NDST3: variants seen among roughly 807,000 people sequenced by gnomAD.
NDST3 encodes bifunctional heparan sulfate N-deacetylase/N-sulfotransferase 3.
NDST3 carries 58 observed loss-of-function variants against 96.1 expected under a neutral mutation model. That is an observed-to-expected ratio of 0.60 (90% CI 0.49 to 0.75). The LOEUF (loss-of-function observed/expected upper bound fraction) is 0.75. NDST3 is among the 30% of genes least tolerant of loss of function. The pLI, the probability that NDST3 is intolerant of heterozygous loss-of-function variation, is 0.00. For synonymous variants in NDST3, 333 were observed against 359.7 expected (o/e 0.93, Z 0.84); for missense variants, 788 against 1,034.2 (o/e 0.76, Z 3.27).
intron 2 of NDST3, among the ~76,000 whole-genome samples, chr4:118,058,622 TGTGTGTGTGTGTGCGCGCGCGC>T (rs200674457): frequency 0.12 from 5,963 of 48,826 alleles, 285 homozygotes; most frequent in Admixed American, 0.33. Context: ...TGTGTGTGTG[TGTGTGTGTGTGTGCGCGCGCGC>T]GCACGCATGC....
At chr4:118,118,013 G>A (rs1731259293) in intron 4 of NDST3, among the ~76,000 whole-genome samples, 1 of 152,052 alleles carries the variant, frequency 6.6e-6, no homozygotes, top group East Asian at 1.9e-4. Context: ...GAAGGGGTAG[G>A]GGAGACAAAA....
intron 6 of NDST3, among the ~76,000 whole-genome samples, chr4:118,179,276 G>A (rs1368520828): frequency 6.6e-6 from 1 of 151,966 alleles, no homozygotes; most frequent in Non-Finnish European, 1.5e-5. Flanking sequence ...CTAAATGAGA[G>A]ACCCATTGAA....
intron 4 of NDST3, among the ~76,000 whole-genome samples, chr4:118,129,833 T>G (rs1329666971): frequency 3.3e-5 from 5 of 152,072 alleles, no homozygotes; most frequent in Admixed American, 2.0e-4. Context: ...TCTCTTTAGC[T>G]CTAATAATAT....
chr4:118,197,160 CTT>C (rs199615310), intron 6 of NDST3, among the ~76,000 whole-genome samples: 3,847 of 152,072 alleles, frequency 0.025, 64 homozygotes, highest in African/African-American at 0.037. Flanking sequence ...CAAAATTCCT[CTT>C]GTTATTGATT....
intron 2 of NDST3, among the ~76,000 whole-genome samples, chr4:118,058,094 GAGCAAATA>G (rs1725579519): frequency 6.4e-5 from 1 of 15,626 alleles, no homozygotes; most frequent in East Asian, 3.9e-3. Context: ...TACCACTTAT[GAGCAAATA>G]TTATATTTTC....
chr4:118,161,880 T>C (rs1461228768), intron 6 of NDST3, among the ~76,000 whole-genome samples: 1 of 152,134 alleles, frequency 6.6e-6, no homozygotes, highest in Non-Finnish European at 1.5e-5. Flanking sequence ...CTGCACCCAC[T>C]GTCCTGCGCC....
At chr4:118,195,418 G>A (rs1737613394) in intron 6 of NDST3, among the ~76,000 whole-genome samples, 1 of 152,160 alleles carries the variant, frequency 6.6e-6, no homozygotes, top group Non-Finnish European at 1.5e-5. Context: ...CCCTGTACAA[G>A]CTCTCTTGCC....
intron 6 of NDST3, among the ~76,000 whole-genome samples, chr4:118,180,290 T>G (rs1253373131): frequency 6.6e-6 from 1 of 152,140 alleles, no homozygotes; most frequent in East Asian, 1.9e-4. Flanking sequence ...CAGTGTCTAC[T>G]GCTGCCATCT....
At chr4:118,160,115 G>A (rs1021863091) in intron 6 of NDST3, among the ~76,000 whole-genome samples, 1 of 152,010 alleles carries the variant, frequency 6.6e-6, no homozygotes, top group African/African-American at 2.4e-5. Flanking sequence ...ACCAGAAAAG[G>A]TTATAATAAA....
chr4:118,215,038 C>A lies in NDST3; in HGVS notation c.1540-9453C>A, dbSNP rs76838324. On this transcript the variant is annotated intron_variant, in intron 6 of 13. Transcript: ENST00000296499. ...GCTTACTTACACTCTATTACAAGCA[C>A]ATAAAGAGCTCAATTTAGCCATGTT... 1.5e-4 allele frequency among the ~76,000 whole-genome samples: 23 copies of A among 152,160 alleles called. No individual in the cohort carries two copies. The East Asian group carries it at 4.2e-3, about 28-fold the overall frequency.
In NDST3 at chr4:118,253,589, A is replaced by C; in HGVS notation, c.2490A>C (p.Pro830=). The change falls in exon 13 of 14, where the codon CCA becomes CCC. Residue 830 remains proline (P), a synonymous_variant. Coordinates refer to ENST00000296499, the MANE Select transcript of NDST3 (RefSeq NM_004784.3). Reference sequence around the variant, plus strand: ...AGAGCAAAGGAAGAAAATACCCTCCAATGGATTCTGATGTAAGCATAGACC... The same window carrying C: ...AGAGCAAAGGAAGAAAATACCCTCCCATGGATTCTGATGTAAGCATAGACC... ...LGKSKGRKYP[P]MDSDSRTFLS... is the part of the protein sequence containing the mutation. 6.2e-7 allele frequency: 1 copy of C among 1,608,882 alleles called. No homozygotes were observed. The highest frequency in any genetic ancestry group is 1.3e-5 in the African/African-American group (1 of 74,942).
chr4:118,227,607 C>CTTTTTTTTTTTTTTTT (rs67330081), intron 8 of NDST3, among the ~76,000 whole-genome samples: 1 of 106,130 alleles, frequency 9.4e-6, no homozygotes, highest in Non-Finnish European at 1.9e-5. Context: ...TCACCATAAA[C>CTTTTTTTTTTTTTTTT]TTTTTTTTTT....
intron 2 of NDST3, among the ~76,000 whole-genome samples, chr4:118,083,412 G>C (rs1319838724): frequency 6.6e-6 from 1 of 152,156 alleles, no homozygotes; most frequent in Non-Finnish European, 1.5e-5. Context: ...GATTAAATGA[G>C]ATAGTCCATG....
chr4:118,211,072 G>T (rs1289283463), intron 6 of NDST3, among the ~76,000 whole-genome samples: 1 of 152,130 alleles, frequency 6.6e-6, no homozygotes, highest in African/African-American at 2.4e-5. Flanking sequence ...TTTCTTCCCA[G>T]CCTCTCTTGC....
At chr4:118,201,853 T>C (rs10025690) in intron 6 of NDST3, among the ~76,000 whole-genome samples, 25,792 of 152,116 alleles carry the variant, frequency 0.17, 2,341 homozygotes, top group South Asian at 0.23. Context: ...GCTAAAAATT[T>C]TTTACCAAGG....
At chr4:118,134,094 A>T (rs1732872157) in intron 4 of NDST3, among the ~76,000 whole-genome samples, 1 of 152,240 alleles carries the variant, frequency 6.6e-6, no homozygotes, top group Admixed American at 6.5e-5. Flanking sequence ...CTCCAAAGAT[A>T]TGACAGAATA....
At chr4:118,127,056 A>G (rs1275298918) in intron 4 of NDST3, among the ~76,000 whole-genome samples, 2 of 151,610 alleles carry the variant, frequency 1.3e-5, no homozygotes, top group Non-Finnish European at 3.0e-5. Context: ...ATTTTTTACT[A>G]TAGAGTTGTT....
intron 4 of NDST3, among the ~76,000 whole-genome samples, chr4:118,115,495 A>C (rs1731015530): frequency 1.3e-5 from 2 of 152,342 alleles, no homozygotes; most frequent in South Asian, 4.1e-4. Flanking sequence ...AAGAGCAGGT[A>C]GGAGACCATA....
At chr4:118,152,138 G>T (rs13123722) in intron 6 of NDST3, among the ~76,000 whole-genome samples, 11 of 151,946 alleles carry the variant, frequency 7.2e-5, no homozygotes, top group African/African-American at 2.7e-4. Flanking sequence ...AAGGAAATCC[G>T]AGTCCTCGTA....
Sources: gnomAD v4.1 joint callset for allele counts (sites outside exome capture counted in the v4.1 genomes callset) on GRCh38, gnomAD v4.1.1 for gene constraint, MANE v1.5 for transcripts, NCBI Gene and HGNC (gene_info 2026-07-23, HGNC 2026-07-21) for gene names.